UGT3A2: variants seen among roughly 807,000 people sequenced by gnomAD.
UGT3A2 encodes UDP glycosyltransferase family 3 member A2.
In UGT3A2, 32 loss-of-function variants were observed where a neutral mutation model predicts 39.8. The observed-to-expected ratio is 0.80, with a 90% CI of 0.61 to 1.08. UGT3A2 has a LOEUF of 1.08. Among genes scored for constraint, UGT3A2 ranks in the 50% least tolerant of loss-of-function variants. UGT3A2 has a pLI of 0.00. For missense variants in UGT3A2, 611 were observed against 637.1 expected, an observed-to-expected ratio of 0.96 and a Z score of 0.44; for synonymous variants, 241 against 230.7, an observed-to-expected ratio of 1.04 and a Z score of -0.40.
intron 2 of UGT3A2, among the ~76,000 whole-genome samples, chr5:36,055,623 G>A (rs963148125): frequency 1.3e-5 from 2 of 152,054 alleles, no homozygotes; most frequent in African/African-American, 4.8e-5. Context: ...TCTGTAATGT[G>A]GACCATTAAA....
chr5:36,059,097 G>A (rs1399273827), intron 2 of UGT3A2, among the ~76,000 whole-genome samples: 1 of 152,200 alleles, frequency 6.6e-6, no homozygotes, highest in East Asian at 1.9e-4. Flanking sequence ...AAGACTAGCA[G>A]AGACTAGCAG....
At chr5:36,058,918 GACAA>G (rs1224937491) in intron 2 of UGT3A2, among the ~76,000 whole-genome samples, 13 of 152,144 alleles carry the variant, frequency 8.5e-5, no homozygotes, top group Non-Finnish European at 1.6e-4. Flanking sequence ...GACATTCAGG[GACAA>G]ACAGAGACCT....
At chr5:36,062,946 CAGG>C (rs1205530899) in intron 2 of UGT3A2, among the ~76,000 whole-genome samples, 5 of 151,532 alleles carry the variant, frequency 3.3e-5, no homozygotes, top group Non-Finnish European at 5.9e-5. Flanking sequence ...GAGGCTGAGG[CAGG>C]AGAATTGCTT....
chr5:36,061,566 G>A (rs1227424645), intron 2 of UGT3A2, among the ~76,000 whole-genome samples: 1 of 151,282 alleles, frequency 6.6e-6, no homozygotes, highest in Admixed American at 6.6e-5. Context: ...CAAAGGACAT[G>A]AACTCATCAT....
chr5:36,052,616 C>A (rs1041028707), intron 2 of UGT3A2, among the ~76,000 whole-genome samples: 7 of 152,060 alleles, frequency 4.6e-5, no homozygotes, highest in Non-Finnish European at 1.0e-4. Context: ...CAAGTCAGGA[C>A]AATGAAAGGA....
At chr5:36,040,398 A>G (rs1741969670) in intron 4 of UGT3A2, among the ~76,000 whole-genome samples, 1 of 152,240 alleles carries the variant, frequency 6.6e-6, no homozygotes, top group African/African-American at 2.4e-5. Flanking sequence ...AAACACCTTC[A>G]TAAGAACAAA....
chr5:36,051,016 A>G (rs2111735823), intron 3 of UGT3A2, among the ~76,000 whole-genome samples: 1 of 152,340 alleles, frequency 6.6e-6, no homozygotes, highest in African/African-American at 2.4e-5. Context: ...AAGACAAGGC[A>G]TATGCTCAAA....
At chr5:36,064,478 G>A (rs747641855) in intron 1 of UGT3A2, 128 bp from the exon 2 acceptor site, 15 of 837,748 alleles carry the variant, frequency 1.8e-5, no homozygotes, top group Non-Finnish European at 2.6e-5. Context: ...GATGAGTTTT[G>A]CCAGTCTCCT....
At chr5:36,057,420 G>GA (rs1742547035) in intron 2 of UGT3A2, among the ~76,000 whole-genome samples, 1 of 151,662 alleles carries the variant, frequency 6.6e-6, no homozygotes, top group African/African-American at 2.4e-5. Flanking sequence ...CTAATCCTAT[G>GA]AAAAAACAGA....
At position 36,048,931 on chromosome 5, in the gene UGT3A2, A is replaced by G. The variant is rs1291174667; in HGVS notation, c.801T>C (p.Tyr267=). 1.2e-6 allele frequency: 2 copies of G among 1,614,064 alleles called. No individual in the cohort carries two copies. The highest frequency in any genetic ancestry group is 2.7e-5 in the African/African-American group (2 of 74,918). The change falls in exon 4 of 7, where the codon TAT becomes TAC. Residue 267 remains tyrosine (Y), a synonymous_variant. Transcript: ENST00000282507. ...TAGGTTTTTCCATCAAGCCTCCAAC[A>G]TAAACAGTGTTGGGAAGCAGAGGTC... ...FARPLLPNTV[Y]VGGLMEKPIK... is the part of the protein sequence containing the mutation.
chr5:36,053,378 G>T (rs1276880384), intron 2 of UGT3A2, among the ~76,000 whole-genome samples: 3 of 152,062 alleles, frequency 2.0e-5, no homozygotes, highest in Admixed American at 6.5e-5. Context: ...CATCTTTTAG[G>T]CCTTTTTTAC....
rs767865883 is a variant in UGT3A2 at position 36,051,984 on chromosome 5, T to C, written c.197A>G (p.Asp66Gly). The C allele has an allele frequency of 3.9e-6, 6 of 1,558,162 alleles. No homozygotes were observed. The highest frequency in any genetic ancestry group is 2.5e-5 in the South Asian group (2 of 80,448). ...ATATGATTTTTCTTCCTTTTTAAAA[T>C]CTAAGAAAACAGCAACGGGTTAAAA... ...LNHKRGPFMP[D>G]FKKEEKSYQV... The change falls in exon 3 of 7, where the codon GAT (aspartate) becomes GGT (glycine). Residue 66 changes from aspartate to glycine, a missense_variant and splice_region_variant. By Grantham distance (94) the Asp-to-Gly change is moderately conservative (BLOSUM62 -1). Transcript: ENST00000282507.
intron 3 of UGT3A2, among the ~76,000 whole-genome samples, chr5:36,050,305 A>T (rs1581007985): frequency 1.3e-5 from 2 of 152,184 alleles, no homozygotes; most frequent in African/African-American, 4.8e-5. Flanking sequence ...TGCAGAGAAT[A>T]TGATCCTATT....
At chr5:36,057,387 T>C (rs568764965) in intron 2 of UGT3A2, among the ~76,000 whole-genome samples, 1 of 152,270 alleles carries the variant, frequency 6.6e-6, no homozygotes, top group South Asian at 2.1e-4. Flanking sequence ...GATGAGGGAA[T>C]TATTAAAAGA....
chr5:36,066,759 C>T lies in UGT3A2; in HGVS notation c.31G>A (p.Gly11Ser). 23 of 1,614,202 alleles carry T rather than the reference C, an allele frequency of 1.4e-5. No individual in the cohort carries two copies. The highest frequency in any genetic ancestry group is 1.8e-5 in the Non-Finnish European group (21 of 1,180,040). MAGQRVLLLV[G>S]FLLPGVLLSE... is the part of the protein sequence containing the mutation. ...AGCAGGACCCCAGGGAGAAGGAAGC[C>T]CACTAGAAGAAGCACTCGCTGCCCA... The change falls in exon 1 of 7, where the codon GGC becomes AGC. Residue 11 changes from glycine to serine, a missense_variant. Gly to Ser is a moderately conservative substitution (Grantham distance 56). Transcript: ENST00000282507.
intron 2 of UGT3A2, among the ~76,000 whole-genome samples, chr5:36,060,072 A>G (rs2111767182): frequency 6.6e-6 from 1 of 152,326 alleles, no homozygotes; most frequent in Middle Eastern, 3.4e-3. Flanking sequence ...CAGATCAAGA[A>G]AACCACACAG....
intron 1 of UGT3A2, among the ~76,000 whole-genome samples, chr5:36,064,922 G>A (rs144206779): frequency 1.8e-4 from 27 of 152,306 alleles, no homozygotes; most frequent in African/African-American, 6.3e-4. Flanking sequence ...AATGTATTTT[G>A]AAAGGATGTA....
Position 36,064,236 on chromosome 5 carries a change from T to C in UGT3A2, c.196+13A>G. 6.2e-7 allele frequency: 1 copy of C among 1,611,476 alleles called. No homozygotes were observed. Among genetic ancestry groups the C allele is most frequent in the Non-Finnish European group, 8.5e-7 (1 of 1,177,912 alleles). ...TTGGAGTAGGAGAAATCAAGAAAAG[T>C]GAGAAAAGATACCTGGCATAAAAGG... On this transcript the variant is annotated intron_variant, in intron 2 of 6. Transcript: ENST00000282507.
intron 2 of UGT3A2, among the ~76,000 whole-genome samples, chr5:36,061,829 G>A (rs975415485): frequency 3.9e-5 from 6 of 151,938 alleles, no homozygotes; most frequent in Admixed American, 6.6e-5. Context: ...GACTTCCACA[G>A]TGGTTGAACT....
Sources: allele counts gnomAD v4.1 joint callset (sites outside exome capture counted in the v4.1 genomes callset), GRCh38; gene constraint gnomAD v4.1.1; transcripts MANE v1.5; gene names NCBI Gene and HGNC (gene_info 2026-07-23, HGNC 2026-07-21).